CHD9NB: variants seen among roughly 807,000 people sequenced by gnomAD.
CHD9NB encodes CHD9 neighbor, also known as CHD9 neighbor protein.
the CHD9NB span, among the ~76,000 whole-genome samples, chr16:53,038,530 T>TA: frequency 2.0e-5 from 3 of 152,190 alleles, no homozygotes; most frequent in African/African-American, 4.8e-5. Flanking sequence ...TTTGTATTTT[T>TA]AGTAGAGACG....
the CHD9NB span, among the ~76,000 whole-genome samples, chr16:53,049,327 T>C: frequency 3.9e-5 from 3 of 76,858 alleles, no homozygotes; most frequent in African/African-American, 7.0e-5. Context: ...AGCTGTTGTG[T>C]GTGTGTGTGT....
the CHD9NB span, among the ~76,000 whole-genome samples, chr16:53,048,645 G>T: frequency 6.6e-6 from 1 of 152,138 alleles, no homozygotes; most frequent in Non-Finnish European, 1.5e-5. Context: ...GAACCACAAG[G>T]TACAAAGTTC....
chr16:53,052,128 C>T, the CHD9NB span, among the ~76,000 whole-genome samples: 1 of 150,652 alleles, frequency 6.6e-6, no homozygotes, highest in African/African-American at 2.4e-5. Context: ...TCTATAATCC[C>T]AGCTACTTAG....
the CHD9NB span, among the ~76,000 whole-genome samples, chr16:53,040,289 T>C: frequency 6.6e-6 from 1 of 152,084 alleles, no homozygotes; most frequent in Admixed American, 6.6e-5. Flanking sequence ...TTGGCCAGGA[T>C]GGTCTTGATC....
the CHD9NB span, among the ~76,000 whole-genome samples, chr16:53,049,476 GA>G: frequency 6.6e-6 from 1 of 152,136 alleles, no homozygotes; most frequent in Non-Finnish European, 1.5e-5. Context: ...GCACCTGGAG[GA>G]TCTTACTCCT....
At chr16:53,050,185 A>G in the CHD9NB span, among the ~76,000 whole-genome samples, 1 of 152,002 alleles carries the variant, frequency 6.6e-6, no homozygotes, top group Non-Finnish European at 1.5e-5. Context: ...CCTGGGTAGG[A>G]GTAGTATTAT....
chr16:53,042,351 G>A, the CHD9NB span, among the ~76,000 whole-genome samples: 69 of 120,876 alleles, frequency 5.7e-4, no homozygotes, highest in Non-Finnish European at 9.8e-4. Flanking sequence ...GCCTCTCCCC[G>A]CTCTTTCATC....
At chr16:53,049,018 T>G in the CHD9NB span, among the ~76,000 whole-genome samples, 1 of 152,160 alleles carries the variant, frequency 6.6e-6, no homozygotes, top group Non-Finnish European at 1.5e-5. Context: ...GTTTTTTATT[T>G]ATTTGTTTAT....
chr16:53,040,838 A>G, the CHD9NB span, among the ~76,000 whole-genome samples: 1 of 152,254 alleles, frequency 6.6e-6, no homozygotes, highest in Non-Finnish European at 1.5e-5. Context: ...GTATGAATAA[A>G]TGGATAGATG....
the CHD9NB span, among the ~76,000 whole-genome samples, chr16:53,037,158 TCTC>T: frequency 6.6e-6 from 1 of 152,092 alleles, no homozygotes; most frequent in African/African-American, 2.4e-5. Flanking sequence ...ATGGTCTTGA[TCTC>T]CTGACCTCAT....
chr16:53,041,187 C>T, the CHD9NB span, among the ~76,000 whole-genome samples: 3 of 152,326 alleles, frequency 2.0e-5, no homozygotes, highest in East Asian at 5.8e-4. Flanking sequence ...ACTAATAAAC[C>T]TCTCCTCTTC....
chr16:53,044,188 T>A, the CHD9NB span: 1 of 398,664 alleles, frequency 2.5e-6, no homozygotes. Context: ...TCCAGTGCCC[T>A]TGGATGTTCC....
chr16:53,042,575 G>A, the CHD9NB span, among the ~76,000 whole-genome samples: 9 of 94,456 alleles, frequency 9.5e-5, no homozygotes, highest in Admixed American at 1.4e-4. Context: ...TTCCCTCTCC[G>A]TCTCTTCCTC....
chr16:53,041,260 T>A, the CHD9NB span, among the ~76,000 whole-genome samples: 400 of 152,392 alleles, frequency 2.6e-3, no homozygotes, highest in African/African-American at 9.3e-3. Flanking sequence ...TATATTTCAG[T>A]AGACATAATC....
the CHD9NB span, among the ~76,000 whole-genome samples, chr16:53,052,537 G>A: frequency 1.3e-5 from 2 of 152,198 alleles, no homozygotes; most frequent in South Asian, 2.1e-4. Context: ...TTAGCAGAAT[G>A]AGAAAAATGC....
chr16:53,045,316 C>T, the CHD9NB span, among the ~76,000 whole-genome samples: 1 of 152,190 alleles, frequency 6.6e-6, no homozygotes, highest in African/African-American at 2.4e-5. Flanking sequence ...TCTTCACACA[C>T]CATGACAGAT....
chr16:53,050,981 G>A, the CHD9NB span, among the ~76,000 whole-genome samples: 184 of 151,768 alleles, frequency 1.2e-3, no homozygotes, highest in Non-Finnish European at 2.0e-3. Flanking sequence ...TCCGCCTCTC[G>A]GGTTCACGCC....
the CHD9NB span, among the ~76,000 whole-genome samples, chr16:53,046,599 G>A: frequency 6.6e-6 from 1 of 152,014 alleles, no homozygotes; most frequent in Non-Finnish European, 1.5e-5. Context: ...GAGGGAGGAT[G>A]GCTTGGGCCC....
chr16:53,038,658 A>G, the CHD9NB span, among the ~76,000 whole-genome samples: 1 of 152,130 alleles, frequency 6.6e-6, no homozygotes, highest in Non-Finnish European at 1.5e-5. Context: ...GTCTTGACAC[A>G]TAAAATTAAC....
Sources: allele counts gnomAD v4.1 joint callset (sites outside exome capture counted in the v4.1 genomes callset), GRCh38; gene constraint gnomAD v4.1.1; transcripts MANE v1.5; gene names NCBI Gene and HGNC (gene_info 2026-07-23, HGNC 2026-07-21).